SNTG2: variants seen among roughly 807,000 people sequenced by gnomAD.
SNTG2 encodes gamma-2-syntrophin.
SNTG2 carries 74 observed loss-of-function variants against 70.9 expected under a neutral mutation model. The ratio of observed to expected loss-of-function variants is 1.04; its 90% CI spans 0.86 to 1.27. SNTG2 has a LOEUF of 1.27. Among genes scored for constraint, SNTG2 ranks in the 50% most tolerant of loss-of-function variants. The pLI, the probability that SNTG2 is intolerant of heterozygous loss-of-function variation, is 0.00. For synonymous variants in SNTG2, 278 were observed against 273.8 expected (o/e 1.02, Z -0.15); for missense variants, 717 against 690.7 (o/e 1.04, Z -0.43).
At chr2:1,334,880 C>T (rs575268806) in intron 16 of SNTG2, among the ~76,000 whole-genome samples, 22 of 152,148 alleles carry the variant, frequency 1.4e-4, no homozygotes, top group African/African-American at 5.3e-4. Context: ...TCTCAGAAAT[C>T]ACTGCTAAAC....
intron 9 of SNTG2, among the ~76,000 whole-genome samples, chr2:1,223,596 A>T (rs1675520045): frequency 6.6e-6 from 1 of 152,210 alleles, no homozygotes; most frequent in Non-Finnish European, 1.5e-5. Flanking sequence ...ACTAAACATG[A>T]ACCAAAGTCA....
chr2:978,749 G>A lies in SNTG2; in HGVS notation c.72+27681G>A, dbSNP rs74733535. On this transcript the variant is annotated intron_variant, in intron 1 of 16. Transcript: ENST00000308624. Reference sequence around the variant, plus strand: ...AGCGGATGTCTTATGCACAAAAGGAGTTCTGAAATTCTGAGTACAGGTAAG... The same window carrying A: ...AGCGGATGTCTTATGCACAAAAGGAATTCTGAAATTCTGAGTACAGGTAAG... Among the ~76,000 whole-genome samples the A allele has an allele frequency of 8.7e-3, 1,330 of 152,292 alleles. 17 individuals are homozygous for A. The highest frequency in any genetic ancestry group is 0.03 in the African/African-American group (1,256 of 41,554).
intron 9 of SNTG2, among the ~76,000 whole-genome samples, chr2:1,224,056 T>G (rs1298262278): frequency 6.6e-6 from 1 of 152,208 alleles, no homozygotes; most frequent in Non-Finnish European, 1.5e-5. Flanking sequence ...GCACCTTCTC[T>G]CTGTGTCTCC....
At position 1,137,750 on chromosome 2, in the gene SNTG2, A is replaced by T; in HGVS notation, c.370-18A>T. ...ATCAATCGTTATTCTCAACATTCTT[A>T]CTTTGTCATCTGTTCAGGTTAATGG... On this transcript the variant is annotated intron_variant, in intron 5 of 16. Coordinates refer to ENST00000308624, the MANE Select transcript of SNTG2 (RefSeq NM_018968.4). 1 of 1,613,770 alleles carries T rather than the reference A, an allele frequency of 6.2e-7. No individual in the cohort carries two copies. Among genetic ancestry groups the T allele is most frequent in the South Asian group, 1.1e-5 (1 of 91,056 alleles).
rs745469135 is a variant in SNTG2 at position 1,353,491 on chromosome 2, A to G, written c.1489-13852A>G. Among the ~76,000 whole-genome samples, 5 of 152,180 alleles carry G rather than the reference A, an allele frequency of 3.3e-5. No homozygotes were observed. The highest frequency in any genetic ancestry group is 6.5e-5 in the Admixed American group (1 of 15,282). Reference sequence around the variant, plus strand: ...CCTCGCTTATTCCAGGTATTCATTCATGCATTGAACAACCATCTCTTTCAA... The same window carrying G: ...CCTCGCTTATTCCAGGTATTCATTCGTGCATTGAACAACCATCTCTTTCAA... On this transcript the variant is annotated intron_variant, in intron 16 of 16. Coordinates refer to ENST00000308624, the MANE Select transcript of SNTG2 (RefSeq NM_018968.4). This position sits in a 1 kb window ranked among gnomAD's most constrained non-coding sequence, Gnocchi z 4.2.
At chr2:962,444 C>T (rs13421571) in intron 1 of SNTG2, among the ~76,000 whole-genome samples, 94,908 of 151,876 alleles carry the variant, frequency 0.62, 30,604 homozygotes, top group Non-Finnish European at 0.68. Flanking sequence ...ATCTGCCTTG[C>T]ACCTTTTCTT....
intron 14 of SNTG2, among the ~76,000 whole-genome samples, chr2:1,282,657 C>T (rs1004812235): frequency 3.3e-5 from 5 of 151,232 alleles, no homozygotes; most frequent in Non-Finnish European, 5.9e-5. Context: ...CCTCCGGGAA[C>T]TCCCCCCGCC....
chr2:1,099,685 G>GAAGGTGGGTGCA (rs1665656078), intron 4 of SNTG2, among the ~76,000 whole-genome samples: 6 of 152,000 alleles, frequency 3.9e-5, no homozygotes, highest in South Asian at 4.2e-4. Context: ...GGGCAGTTGT[G>GAAGGTGGGTGCA]GTGAGGGCAG....
chr2:1,183,645 T>A (rs575767031), intron 8 of SNTG2, among the ~76,000 whole-genome samples: 1 of 152,308 alleles, frequency 6.6e-6, no homozygotes, highest in South Asian at 2.1e-4. Context: ...GTCTGGACAT[T>A]TTATTTTTAT....
chr2:1,183,186 T>C (rs1158877001), intron 8 of SNTG2, among the ~76,000 whole-genome samples: 1 of 152,208 alleles, frequency 6.6e-6, no homozygotes, highest in African/African-American at 2.4e-5. Context: ...CAGTAGACTT[T>C]TTTATTTTTC....
intron 14 of SNTG2, among the ~76,000 whole-genome samples, chr2:1,290,885 A>T (rs1258742349): frequency 2.0e-5 from 3 of 152,204 alleles, no homozygotes; most frequent in African/African-American, 7.2e-5. Flanking sequence ...ATCATGTGGC[A>T]GTTCAATTTT....
chr2:1,117,280 A>G (rs1211784686), intron 4 of SNTG2, among the ~76,000 whole-genome samples: 3 of 152,194 alleles, frequency 2.0e-5, no homozygotes, highest in African/African-American at 2.4e-5. Flanking sequence ...ATTGTTTAAT[A>G]GAGAAGACAT....
chr2:1,229,945 G>T (rs140474284), intron 9 of SNTG2, among the ~76,000 whole-genome samples: 8,307 of 152,270 alleles, frequency 0.055, 317 homozygotes, highest in Non-Finnish European at 0.078. Context: ...CGCAAGCGCC[G>T]CACGCAGCCC....
chr2:1,177,769 C>T (rs1671582069), intron 8 of SNTG2, among the ~76,000 whole-genome samples: 1 of 151,898 alleles, frequency 6.6e-6, no homozygotes, highest in Non-Finnish European at 1.5e-5. Flanking sequence ...CTAAGCATAC[C>T]CACATAGCCC....
At chr2:1,220,021 G>T (rs747769854) in intron 9 of SNTG2, 2 of 152,198 alleles carry the variant, frequency 1.3e-5, no homozygotes, top group African/African-American at 4.8e-5. Context: ...AATTTGTTTT[G>T]CAAAGGAGAG....
At chr2:1,146,736 A>G (rs1284281447) in intron 6 of SNTG2, among the ~76,000 whole-genome samples, 2 of 152,226 alleles carry the variant, frequency 1.3e-5, no homozygotes, top group South Asian at 2.1e-4. Flanking sequence ...AAATAGAACC[A>G]CATAAATATA....
intron 14 of SNTG2, among the ~76,000 whole-genome samples, chr2:1,296,496 C>T (rs1445348848): frequency 7.2e-5 from 11 of 152,218 alleles, no homozygotes; most frequent in Admixed American, 7.2e-4. Flanking sequence ...TTAGAGAAGC[C>T]TCTTCTACCC....
chr2:1,289,332 G>A (rs796982449), intron 14 of SNTG2, among the ~76,000 whole-genome samples: 42 of 151,812 alleles, frequency 2.8e-4, no homozygotes, highest in African/African-American at 9.2e-4. Flanking sequence ...TCTTTCCTGG[G>A]GCACTGGGTG....
At chr2:975,020 C>A (rs750515312) in intron 1 of SNTG2, among the ~76,000 whole-genome samples, 2 of 152,178 alleles carry the variant, frequency 1.3e-5, no homozygotes, top group African/African-American at 2.4e-5. Flanking sequence ...GAAACATACA[C>A]ATGGATATCA....
Sources: gnomAD v4.1 joint callset for allele counts (sites outside exome capture counted in the v4.1 genomes callset) on GRCh38, gnomAD v4.1.1 for gene constraint, Gnocchi (gnomAD v3.1) non-coding constraint, MANE v1.5 for transcripts, NCBI Gene and HGNC (gene_info 2026-07-23, HGNC 2026-07-21) for gene names.